Variants in ODAD2 observed in about 807,000 individuals in gnomAD.
ODAD2 encodes the protein outer dynein arm-docking complex subunit 2.
Under a neutral mutation model 106.8 loss-of-function variants are expected in ODAD2, and 89 were observed. The observed-to-expected ratio is 0.83, with a 90% confidence interval of 0.70 to 0.99. ODAD2 has a LOEUF of 0.99. Among genes scored for constraint, ODAD2 ranks in the 50% least tolerant of loss-of-function variants. ODAD2 has a pLI of 0.00. For missense variants in ODAD2, 1,168 were observed against 1,238.5 expected, an observed-to-expected ratio of 0.94 and a Z score of 0.85; for synonymous variants, 404 against 436.2, an observed-to-expected ratio of 0.93 and a Z score of 0.92.
chr10:27,990,148 G>C (rs1435687374), intron 2 of ODAD2, among the ~76,000 whole-genome samples: 1 of 151,994 alleles, frequency 6.6e-6, no homozygotes, highest in African/African-American at 2.4e-5. Flanking sequence ...ATCGAGTTTA[G>C]TGTCCTTTTT....
intron 5 of ODAD2, 101 bp from the exon 6 acceptor site, chr10:27,984,080 T>C: frequency 6.6e-7 from 1 of 1,517,248 alleles, no homozygotes; most frequent in Non-Finnish European, 9.0e-7. Flanking sequence ...TTTTAAGCTT[T>C]CCCCTTCTTA....
intron 19 of ODAD2, among the ~76,000 whole-genome samples, chr10:27,847,747 A>T (rs1838889836): frequency 6.6e-6 from 1 of 152,164 alleles, no homozygotes; most frequent in Non-Finnish European, 1.5e-5. Flanking sequence ...ATCAATGTGC[A>T]GAAATCACAA....
intron 8 of ODAD2, among the ~76,000 whole-genome samples, chr10:27,970,513 C>T (rs372670636): frequency 2.6e-5 from 4 of 152,196 alleles, no homozygotes; most frequent in African/African-American, 9.6e-5. Flanking sequence ...GACTCACCAA[C>T]TATATAAAAG....
chr10:27,895,688 G>A (rs35470255), intron 17 of ODAD2, among the ~76,000 whole-genome samples: 3,117 of 152,268 alleles, frequency 0.02, 51 homozygotes, highest in Non-Finnish European at 0.028. Flanking sequence ...AGTAGTTGCC[G>A]TATCTGAACA....
intron 19 of ODAD2, among the ~76,000 whole-genome samples, chr10:27,814,323 G>A (rs1031216478): frequency 4.6e-5 from 7 of 152,264 alleles, no homozygotes; most frequent in Non-Finnish European, 8.8e-5. Flanking sequence ...CTCCCAGTGC[G>A]CAGGCCATTT....
At chr10:27,953,722 T>C (rs1454028644) in intron 10 of ODAD2, among the ~76,000 whole-genome samples, 1 of 152,202 alleles carries the variant, frequency 6.6e-6, no homozygotes, top group South Asian at 2.1e-4. Flanking sequence ...ATAAATTATA[T>C]ATGTATATAA....
intron 19 of ODAD2, among the ~76,000 whole-genome samples, chr10:27,821,417 T>C (rs181266422): frequency 2.0e-5 from 3 of 152,326 alleles, no homozygotes; most frequent in Admixed American, 2.0e-4. Flanking sequence ...CTGAAAAATA[T>C]GTAGCATATA....
At chr10:27,814,650 T>C (rs1010251259) in intron 19 of ODAD2, among the ~76,000 whole-genome samples, 1 of 152,222 alleles carries the variant, frequency 6.6e-6, no homozygotes, top group African/African-American at 2.4e-5. Context: ...TCATGATCTC[T>C]TGTCCATGGG....
chr10:27,913,688 T>C (rs1844167240), intron 16 of ODAD2, among the ~76,000 whole-genome samples: 1 of 152,158 alleles, frequency 6.6e-6, no homozygotes, highest in South Asian at 2.1e-4. Context: ...GAACAGATAC[T>C]TCTCAAAAGA....
At chr10:27,821,605 G>C (rs1439814260) in intron 19 of ODAD2, among the ~76,000 whole-genome samples, 2 of 152,206 alleles carry the variant, frequency 1.3e-5, no homozygotes, top group African/African-American at 4.8e-5. Flanking sequence ...TAATATAAAT[G>C]AAAGTGCAGT....
At chr10:27,870,847 C>T (rs979621614) in intron 17 of ODAD2, among the ~76,000 whole-genome samples, 1 of 152,068 alleles carries the variant, frequency 6.6e-6, no homozygotes, top group Non-Finnish European at 1.5e-5. Context: ...CAACATGATT[C>T]ATAATCCTTT....
At chr10:27,892,039 T>C (rs1842600585) in intron 17 of ODAD2, among the ~76,000 whole-genome samples, 1 of 152,050 alleles carries the variant, frequency 6.6e-6, no homozygotes, top group Non-Finnish European at 1.5e-5. Flanking sequence ...CTACCCTTTT[T>C]CTCCAAAAAT....
chr10:27,987,638 C>T lies in ODAD2; in HGVS notation c.225-95G>A, dbSNP rs567141946. On this transcript the variant is annotated intron_variant, in intron 2 of 19. Coordinates refer to ENST00000305242, the MANE Select transcript of ODAD2 (RefSeq NM_018076.5). ...ATTTAGACAGATTATTCCTATATCT[C>T]ATTATAAAATACAGAAAATATAAAT... The T allele has an allele frequency of 1.8e-4, 141 of 794,622 alleles. 3 individuals are homozygous for T. In the South Asian group the frequency reaches 3.5e-3, roughly 20 times the overall value. 49.2% of individuals were successfully genotyped at this position (794,622 alleles called of 1,614,324 possible).
Position 27,893,165 on chromosome 10 carries a change from AAAG to A in ODAD2, c.2610+14495_2610+14497del, listed in dbSNP as rs1387862320. Among the ~76,000 whole-genome samples, 9 of 152,332 alleles carry A rather than the reference AAAG, an allele frequency of 5.9e-5. No homozygotes were observed. In the East Asian group the frequency reaches 9.6e-4, roughly 16 times the overall value. The stretch of plus-strand genomic sequence containing the variant: ...CAGAGCCAGACTCCTTCTCAAAAAA[AAAG>A]AAGAAGAAAAGAAAGAAAGAAAAGT... On this transcript the variant is annotated intron_variant, in intron 17 of 19. Transcript: ENST00000305242.
chr10:27,992,073 G>A (rs1299690222), intron 2 of ODAD2, among the ~76,000 whole-genome samples: 1 of 152,162 alleles, frequency 6.6e-6, no homozygotes, highest in South Asian at 2.1e-4. Flanking sequence ...GTAGACCAAG[G>A]GGCACGGTCA....
rs139218220 is a variant in ODAD2 at position 27,886,919 on chromosome 10, A to T, written c.2610+20744T>A. 1.2e-3 allele frequency among the ~76,000 whole-genome samples: 185 copies of T among 152,092 alleles called. 2 individuals are homozygous for T. Among genetic ancestry groups the T allele is most frequent in the African/African-American group, 4.1e-3 (170 of 41,546 alleles). Reference sequence around the variant, plus strand: ...TATCAAAATGTGTCACTATAAAAAGATCAACTAAGCACAAAGAAAAGCAGT... The same window carrying T: ...TATCAAAATGTGTCACTATAAAAAGTTCAACTAAGCACAAAGAAAAGCAGT... On this transcript the variant is annotated intron_variant, in intron 17 of 19. Transcript: ENST00000305242.
intron 19 of ODAD2, among the ~76,000 whole-genome samples, chr10:27,825,696 C>A (rs1030348392): frequency 5.9e-5 from 9 of 152,166 alleles, no homozygotes; most frequent in Admixed American, 2.0e-4. Flanking sequence ...ACAACAGGTA[C>A]AGGAACAAGA....
chr10:27,959,622 T>C (rs1847981133), intron 10 of ODAD2, among the ~76,000 whole-genome samples: 1 of 152,138 alleles, frequency 6.6e-6, no homozygotes, highest in African/African-American at 2.4e-5. Context: ...TGCTCCATGC[T>C]AGTGTTTCCA....
At chr10:27,945,277 A>T (rs544961562) in intron 10 of ODAD2, among the ~76,000 whole-genome samples, 1 of 152,358 alleles carries the variant, frequency 6.6e-6, no homozygotes, top group African/African-American at 2.4e-5. Context: ...CAGAGCTAAG[A>T]GATGGTTCCC....
Sources: allele counts gnomAD v4.1 joint callset (sites outside exome capture counted in the v4.1 genomes callset), GRCh38; gene constraint gnomAD v4.1.1; transcripts MANE v1.5; gene names NCBI Gene and HGNC (gene_info 2026-07-23, HGNC 2026-07-21).